GALNT18: variants seen among roughly 807,000 people sequenced by gnomAD.
GALNT18 encodes GalNAc-transferase 18.
In GALNT18, 44 loss-of-function variants were observed where a neutral mutation model predicts 69.5. The observed-to-expected ratio is 0.63, with a 90% CI of 0.50 to 0.81. The LOEUF (loss-of-function observed/expected upper bound fraction) is 0.81. Ranked by LOEUF, GALNT18 falls within the 40% of genes least tolerant of loss-of-function variation. GALNT18 has a pLI of 0.00. For missense variants in GALNT18, 715 were observed against 810.0 expected, an observed-to-expected ratio of 0.88 and a Z score of 1.42; for synonymous variants, 364 against 318.2, an observed-to-expected ratio of 1.14 and a Z score of -1.53.
In GALNT18 at chr11:11,314,090, A is replaced by G. The variant is rs1299545298; in HGVS notation, c.1512+12996T>C. ...GCAGAGAGCACAGAGCCAAGGCGGG[A>G]TCTAAAATTAGCTCCTCTGTCACTG... On this transcript the variant is annotated intron_variant, in intron 9 of 10. Coordinates refer to ENST00000227756, the MANE Select transcript of GALNT18 (RefSeq NM_198516.3). This position sits in a 1 kb window ranked among gnomAD's most constrained non-coding sequence, Gnocchi z 5.2. 2.6e-5 allele frequency among the ~76,000 whole-genome samples: 4 copies of G among 152,088 alleles called. No individual in the cohort carries two copies. The highest frequency in any genetic ancestry group is 9.7e-5 in the African/African-American group (4 of 41,398).
chr11:11,520,352 C>T lies in GALNT18; in HGVS notation c.236-71416G>A, dbSNP rs537598671. On this transcript the variant is annotated intron_variant, in intron 1 of 10. Transcript: ENST00000227756. ...CAAGATTCAAGCGCAAGCAGCGAGG[C>T]GCCTGGGTGTGTTCTCTGGCCTGCT... Among the ~76,000 whole-genome samples the T allele has an allele frequency of 2.8e-4, 42 of 152,332 alleles. No individual in the cohort carries two copies. In the East Asian group the frequency reaches 7.3e-3, roughly 27 times the overall value.
At chr11:11,570,246 TC>T (rs1167846947) in intron 1 of GALNT18, 1 of 152,922 alleles carries the variant, frequency 6.5e-6, no homozygotes, top group East Asian at 1.9e-4. Context: ...GTCGCCTGCT[TC>T]CTTTCTTGCC....
intron 1 of GALNT18, among the ~76,000 whole-genome samples, chr11:11,571,393 T>C (rs1858790279): frequency 6.6e-6 from 1 of 152,188 alleles, no homozygotes; most frequent in African/African-American, 2.4e-5. Flanking sequence ...GGAAATGAGG[T>C]TATTTGGTGA....
At chr11:11,467,508 C>T (rs1057383995) in intron 1 of GALNT18, among the ~76,000 whole-genome samples, 1 of 152,246 alleles carries the variant, frequency 6.6e-6, no homozygotes, top group African/African-American at 2.4e-5. Context: ...TAAAGGGAAC[C>T]ACTCTGTTTG....
intron 2 of GALNT18, among the ~76,000 whole-genome samples, chr11:11,442,991 G>A (rs1348265452): frequency 6.6e-6 from 1 of 152,176 alleles, no homozygotes; most frequent in Non-Finnish European, 1.5e-5. Context: ...AGGCCATAGA[G>A]TTGCCATGGA....
In GALNT18 at chr11:11,586,434, T is replaced by G. The variant is rs1859226862; in HGVS notation, c.235+34925A>C. 6.6e-6 allele frequency among the ~76,000 whole-genome samples: 1 copy of G among 152,176 alleles called. No individual in the cohort carries two copies. Among genetic ancestry groups the G allele is most frequent in the Non-Finnish European group, 1.5e-5 (1 of 68,040 alleles). The stretch of plus-strand genomic sequence containing the variant: ...TAAAGGAGTCCTAAGACCAAAAAGT[T>G]TGAAAACTTCTGGCTTAAACTATAG... On this transcript the variant is annotated intron_variant, in intron 1 of 10. Coordinates refer to ENST00000227756, the MANE Select transcript of GALNT18 (RefSeq NM_198516.3). The surrounding 1 kb of genome is among the most constrained non-coding windows in gnomAD (Gnocchi z 4.1).
chr11:11,308,820 A>G (rs1440074158), intron 9 of GALNT18, among the ~76,000 whole-genome samples: 1 of 152,144 alleles, frequency 6.6e-6, no homozygotes, highest in Non-Finnish European at 1.5e-5. Context: ...AGCTTCCTCT[A>G]CATCACACTG....
At chr11:11,354,296 G>A (rs980195638) in intron 6 of GALNT18, among the ~76,000 whole-genome samples, 7 of 152,148 alleles carry the variant, frequency 4.6e-5, no homozygotes, top group African/African-American at 1.7e-4. Context: ...TCATTTCCCA[G>A]GTGAGCAAAC....
chr11:11,365,148 AC>A (rs1850734595), intron 6 of GALNT18, among the ~76,000 whole-genome samples: 1 of 151,030 alleles, frequency 6.6e-6, no homozygotes, highest in Non-Finnish European at 1.5e-5. Flanking sequence ...CCTTCCCTCA[AC>A]CCCCAACCCC....
In GALNT18 at chr11:11,584,372, A is replaced by AG. The variant is rs1859165045; in HGVS notation, c.235+36986dup. 6.6e-6 allele frequency among the ~76,000 whole-genome samples: 1 copy of AG among 152,232 alleles called. No homozygotes were observed. Among genetic ancestry groups the AG allele is most frequent in the African/African-American group, 2.4e-5 (1 of 41,464 alleles). On this transcript the variant is annotated intron_variant, in intron 1 of 10. Transcript: ENST00000227756. The surrounding 1 kb of genome is among the most constrained non-coding windows in gnomAD (Gnocchi z 4.1). ...TTAAAGTCTTGGAAAAGTAAATCAA[A>AG]GTAAACAGGAACCTTGGAGCCATCA...
chr11:11,392,463 T>C (rs1176096627), intron 3 of GALNT18, among the ~76,000 whole-genome samples: 1 of 152,004 alleles, frequency 6.6e-6, no homozygotes, highest in Admixed American at 6.6e-5. Context: ...CTACTAAAAA[T>C]ACAAAACTAG....
At chr11:11,479,110 T>C (rs1856468328) in intron 1 of GALNT18, among the ~76,000 whole-genome samples, 1 of 152,238 alleles carries the variant, frequency 6.6e-6, no homozygotes, top group South Asian at 2.1e-4. Flanking sequence ...AATTTCTGGT[T>C]GCCTTGACTG....
chr11:11,413,363 A>G lies in GALNT18; in HGVS notation c.595+19258T>C, dbSNP rs1393749457. On this transcript the variant is annotated intron_variant, in intron 3 of 10. Transcript: ENST00000227756. The surrounding 1 kb of genome is among the most constrained non-coding windows in gnomAD (Gnocchi z 4.7). ...CCTCTGGAGGTGCAGATGCCCCATT[A>G]GGACTCAGAGGCACTCTCTACTTTC... Among the ~76,000 whole-genome samples the G allele has an allele frequency of 6.6e-6, 1 of 152,182 alleles. No homozygotes were observed. The highest frequency in any genetic ancestry group is 6.5e-5 in the Admixed American group (1 of 15,276).
intron 10 of GALNT18, among the ~76,000 whole-genome samples, chr11:11,287,217 C>G (rs16909327): frequency 0.028 from 4,273 of 152,296 alleles, 211 homozygotes; most frequent in African/African-American, 0.097. Context: ...CTTAAATAGT[C>G]CTCAATCCTT....
chr11:11,609,774 G>A (rs1161843340), intron 1 of GALNT18, among the ~76,000 whole-genome samples: 3 of 152,116 alleles, frequency 2.0e-5, no homozygotes, highest in Non-Finnish European at 4.4e-5. Flanking sequence ...CAATAGCTAG[G>A]GGCCCACCAT....
chr11:11,339,392 G>C lies in GALNT18; in HGVS notation c.1278+1427C>G, dbSNP rs1850163343. Among the ~76,000 whole-genome samples the C allele has an allele frequency of 6.6e-6, 1 of 152,160 alleles. No individual in the cohort carries two copies. The highest frequency in any genetic ancestry group is 1.5e-5 in the Non-Finnish European group (1 of 68,044). On this transcript the variant is annotated intron_variant, in intron 7 of 10. Coordinates refer to ENST00000227756, the MANE Select transcript of GALNT18 (RefSeq NM_198516.3). The surrounding 1 kb of genome is among the most constrained non-coding windows in gnomAD (Gnocchi z 5.2). ...GTCAGCTGCAAGGGGGAGAGGGCTA[G>C]AAGTTTTGCAGCTCTGGGGTACAGA...
At chr11:11,273,938 A>G (rs1197068430) in intron 10 of GALNT18, among the ~76,000 whole-genome samples, 1 of 152,122 alleles carries the variant, frequency 6.6e-6, no homozygotes, top group Non-Finnish European at 1.5e-5. Context: ...TCTAAGAGAG[A>G]TCCATGCAGA....
In GALNT18 at chr11:11,459,497, G is replaced by A. The variant is rs1437280825; in HGVS notation, c.236-10561C>T. Among the ~76,000 whole-genome samples the A allele has an allele frequency of 1.3e-5, 2 of 152,154 alleles. No individual in the cohort carries two copies. The highest frequency in any genetic ancestry group is 2.9e-5 in the Non-Finnish European group (2 of 68,026). On this transcript the variant is annotated intron_variant, in intron 1 of 10. Transcript: ENST00000227756. This position sits in a 1 kb window ranked among gnomAD's most constrained non-coding sequence, Gnocchi z 5.0. ...GTGCCTCAGCCCAAAGTAGGGTGGG[G>A]TCTGCCATCCAAGAGATGTCCCACT...
intron 1 of GALNT18, among the ~76,000 whole-genome samples, chr11:11,501,507 ATCC>A (rs1856971346): frequency 6.6e-6 from 1 of 152,190 alleles, no homozygotes; most frequent in Non-Finnish European, 1.5e-5. Context: ...TATTTTTAAA[ATCC>A]TACTCTTTCG....
Sources: gnomAD v4.1 joint callset for allele counts (sites outside exome capture counted in the v4.1 genomes callset) on GRCh38, gnomAD v4.1.1 for gene constraint, Gnocchi (gnomAD v3.1) non-coding constraint, MANE v1.5 for transcripts, NCBI Gene and HGNC (gene_info 2026-07-23, HGNC 2026-07-21) for gene names.